PLEKHG4B: variants seen among roughly 807,000 people sequenced by gnomAD.
PLEKHG4B encodes the protein pleckstrin homology domain-containing family G member 4B.
PLEKHG4B carries 111 observed loss-of-function variants against 121.3 expected under a neutral mutation model. That is an observed-to-expected ratio of 0.92 (90% CI 0.78 to 1.07). The LOEUF is 1.07. Ranked by LOEUF, PLEKHG4B falls within the 50% of genes least tolerant of loss-of-function variation. The pLI, the probability that PLEKHG4B is intolerant of heterozygous loss-of-function variation, is 0.00. For missense variants in PLEKHG4B, 1,831 were observed against 1,757.8 expected, an observed-to-expected ratio of 1.04 and a Z score of -0.74; for synonymous variants, 738 against 725.0, an observed-to-expected ratio of 1.02 and a Z score of -0.29.
chr5:134,590 A>G (rs1734892151), intron 2 of PLEKHG4B, among the ~76,000 whole-genome samples: 1 of 151,538 alleles, frequency 6.6e-6, no homozygotes. Context: ...ATGTAGTGAA[A>G]CCTTCTCTCT....
chr5:175,103 CGA>C (rs1055869972), intron 18 of PLEKHG4B, among the ~76,000 whole-genome samples: 1 of 152,136 alleles, frequency 6.6e-6, no homozygotes, highest in East Asian at 1.9e-4. Flanking sequence ...TGCGGCAACC[CGA>C]GAGAGTCCCC....
At chr5:129,413 C>T (rs1283136775) in intron 2 of PLEKHG4B, among the ~76,000 whole-genome samples, 1 of 152,218 alleles carries the variant, frequency 6.6e-6, no homozygotes, top group South Asian at 2.1e-4. Context: ...AGTCCATCAC[C>T]CCTGCCCTCC....
intron 18 of PLEKHG4B, among the ~76,000 whole-genome samples, chr5:178,387 ATGT>A (rs1487872092): frequency 6.6e-6 from 1 of 152,214 alleles, no homozygotes; most frequent in Non-Finnish European, 1.5e-5. Flanking sequence ...ATTATTTGAA[ATGT>A]TGTATATCCT....
intron 2 of PLEKHG4B, among the ~76,000 whole-genome samples, chr5:118,318 G>A (rs1382182026): frequency 6.6e-6 from 1 of 152,174 alleles, no homozygotes; most frequent in Non-Finnish European, 1.5e-5. Context: ...GACGGGGTAA[G>A]CAGACCACAC....
intron 12 of PLEKHG4B, among the ~76,000 whole-genome samples, chr5:162,285 G>A (rs755539855): frequency 1.9e-4 from 14 of 73,344 alleles, no homozygotes; most frequent in Non-Finnish European, 3.6e-4. Flanking sequence ...GCCCCAGACC[G>A]CACGCCTGCG....
intron 2 of PLEKHG4B, among the ~76,000 whole-genome samples, chr5:129,591 A>G (rs3853523): frequency 0.22 from 32,764 of 152,142 alleles, 5,388 homozygotes; most frequent in African/African-American, 0.46. Context: ...ACCCCAGGTG[A>G]TGGTCACTTA....
intron 16 of PLEKHG4B, 109 bp downstream of exon 16, chr5:171,553 T>G: frequency 8.8e-7 from 1 of 1,141,418 alleles, no homozygotes. Flanking sequence ...TGCTGGCAGA[T>G]TTGCCCCGGA....
intron 2 of PLEKHG4B, among the ~76,000 whole-genome samples, chr5:129,162 C>G (rs1391673077): frequency 6.6e-6 from 1 of 152,202 alleles, no homozygotes; most frequent in South Asian, 2.1e-4. Context: ...ATCTCCTTCC[C>G]TTTCTAGGTC....
chr5:188,890 C>T lies in PLEKHG4B; in HGVS notation c.*6567C>T, dbSNP rs947922745. ...AGAGGCCTTGCTGGGTGCCAGGCCA[C>T]GTCTGTGCTGTCACAGCTTTGAGGG... On this transcript the variant is annotated 3_prime_UTR_variant, in exon 20 of 20. Coordinates refer to ENST00000637938, the MANE Select transcript of PLEKHG4B (RefSeq NM_052909.5). 4 of 152,278 alleles carry T rather than the reference C, an allele frequency of 2.6e-5. No homozygotes were observed. Among genetic ancestry groups the T allele is most frequent in the Admixed American group, 6.5e-5 (1 of 15,290 alleles). 9.4% of individuals were successfully genotyped at this position (152,278 alleles called of 1,614,324 possible). A position where few individuals can be genotyped will look rare whatever the true frequency, so the allele number is the denominator to read the frequency against.
chr5:104,940 T>G (rs1733930159), intron 1 of PLEKHG4B, among the ~76,000 whole-genome samples: 1 of 152,088 alleles, frequency 6.6e-6, no homozygotes. Flanking sequence ...GCACAGGGGG[T>G]GAGGGCTGTT....
In PLEKHG4B at chr5:173,798, C is replaced by T. The variant is rs1736652416; in HGVS notation, c.4222-120C>T. 2.5e-6 allele frequency: 3 copies of T among 1,191,266 alleles called. No homozygotes were observed. The South Asian group carries it at 4.5e-5, about 18-fold the overall frequency. The allele number at this position is 1,191,266 out of a possible 1,614,324, so 73.8% of individuals were successfully genotyped here. A position where few individuals can be genotyped will look rare whatever the true frequency, so the allele number is the denominator to read the frequency against. On this transcript the variant is annotated intron_variant, in intron 17 of 19. Coordinates refer to ENST00000637938, the MANE Select transcript of PLEKHG4B (RefSeq NM_052909.5). ...TGTGGTCTCGCTCACCCTGACCCAT[C>T]CCACACATTTGTCATTTGGTGTCTG...
In PLEKHG4B at chr5:163,126, G is replaced by C; in HGVS notation, c.3054G>C (p.Leu1018=). Residue 1018 remains leucine, a synonymous_variant, in exon 13 of 20, where the codon CTG becomes CTC. Coordinates refer to ENST00000637938, the MANE Select transcript of PLEKHG4B (RefSeq NM_052909.5). ...PLSGLPGRAL[L]CGQDGETLRP... is the part of the protein sequence containing the mutation. ...CCGGCCTCCCTGGACGAGCGCTTCT[G>C]TGTGGACAGGACGGGGAGACCCTGC... The C allele has an allele frequency of 6.4e-7, 1 of 1,564,638 alleles. No homozygotes were observed. The highest frequency in any genetic ancestry group is 8.7e-7 in the Non-Finnish European group (1 of 1,155,208).
chr5:96,650 A>G (rs1733634666), intron 1 of PLEKHG4B, among the ~76,000 whole-genome samples: 1 of 152,234 alleles, frequency 6.6e-6, no homozygotes, highest in South Asian at 2.1e-4. Context: ...CACATTGGGC[A>G]TAGGAGTGAA....
rs752581240 is a variant in PLEKHG4B at position 171,138 on chromosome 5, C to A, written c.3819+6C>A. 2 of 1,611,526 alleles carry A rather than the reference C, an allele frequency of 1.2e-6. No individual in the cohort carries two copies. Among genetic ancestry groups the A allele is most frequent in the Non-Finnish European group, 1.7e-6 (2 of 1,178,772 alleles). On this transcript the variant is annotated splice_donor_region_variant and intron_variant, in intron 15 of 19. Coordinates refer to ENST00000637938, the MANE Select transcript of PLEKHG4B (RefSeq NM_052909.5). ...ATGGCAACGCCTTCTTCAAGGTCAT[C>A]CCCCTCGGCCCGCCCCCCACAGCCT...
In PLEKHG4B at chr5:140,542, A is replaced by G. The variant is rs764594193; in HGVS notation, c.1303A>G (p.Arg435Gly). The G allele has an allele frequency of 1.2e-5, 19 of 1,603,060 alleles. No homozygotes were observed. Among genetic ancestry groups the G allele is most frequent in the Admixed American group, 5.1e-5 (3 of 58,514 alleles). The change falls in exon 3 of 20, where the codon AGG (arginine) becomes GGG (glycine). Residue 435 changes from arginine (R) to glycine (G), a missense_variant. Coordinates refer to ENST00000637938, the MANE Select transcript of PLEKHG4B (RefSeq NM_052909.5). ...AGGAGCTGCAGGGCGGACTCTTCCC[A>G]GGAGATCTCGGTCCTGGGAAAGGGC... ...GPGAAGRTLP[R>G]RSRSWERAPR...
intron 6 of PLEKHG4B, among the ~76,000 whole-genome samples, chr5:147,928 G>A (rs1735471688): frequency 6.6e-6 from 1 of 152,104 alleles, no homozygotes; most frequent in South Asian, 2.1e-4. Context: ...TGCAAGGATG[G>A]TTCGACACAT....
chr5:150,352 G>A (rs541071495), intron 6 of PLEKHG4B, among the ~76,000 whole-genome samples: 2 of 152,308 alleles, frequency 1.3e-5, no homozygotes, highest in Admixed American at 6.5e-5. Flanking sequence ...GCCAGGAGCA[G>A]GGGGTAATGG....
At chr5:102,521 A>G (rs1443448424) in intron 1 of PLEKHG4B, among the ~76,000 whole-genome samples, 1 of 151,886 alleles carries the variant, frequency 6.6e-6, no homozygotes, top group Non-Finnish European at 1.5e-5. Context: ...GAGTATTCTC[A>G]GGGCAAATGG....
chr5:178,145 C>T (rs1388892659), intron 18 of PLEKHG4B, among the ~76,000 whole-genome samples: 1 of 152,256 alleles, frequency 6.6e-6, no homozygotes, highest in Admixed American at 6.5e-5. Flanking sequence ...TCACATTCTA[C>T]CATTTTGTCT....
Sources: gnomAD v4.1 joint callset for allele counts (sites outside exome capture counted in the v4.1 genomes callset) on GRCh38, gnomAD v4.1.1 for gene constraint, MANE v1.5 for transcripts, NCBI Gene and HGNC (gene_info 2026-07-23, HGNC 2026-07-21) for gene names.